The following TRPC3 variants were observed in gnomAD, a reference collection of about 807,000 sequenced individuals.
The protein encoded by TRPC3 is short transient receptor potential channel 3.
A neutral mutation model predicts 90.9 loss-of-function variants in TRPC3; 54 were observed. The ratio of observed to expected loss-of-function variants is 0.59; its 90% CI spans 0.48 to 0.75. The LOEUF is 0.75. Ranked by LOEUF, TRPC3 falls within the 30% of genes least tolerant of loss-of-function variation. The pLI, the probability that TRPC3 is intolerant of heterozygous loss-of-function variation, is 0.00. For synonymous variants in TRPC3, 424 were observed against 450.9 expected (o/e 0.94, Z 0.75); for missense variants, 918 against 1,194.5 (o/e 0.77, Z 3.41).
intron 10 of TRPC3, 33 bp downstream of exon 10, chr4:121,899,579 A>C (rs1728633931): frequency 2.1e-5 from 33 of 1,559,950 alleles, no homozygotes; most frequent in African/African-American, 2.7e-5. Context: ...GGAATCACAT[A>C]GAGATCAAGA....
intron 2 of TRPC3, among the ~76,000 whole-genome samples, chr4:121,925,910 C>A (rs1489535427): frequency 6.6e-6 from 1 of 152,086 alleles, no homozygotes; most frequent in Non-Finnish European, 1.5e-5. Flanking sequence ...CTCTTTTGTA[C>A]AAACAATAGT....
Position 121,879,810 on chromosome 4 carries a change from C to G in TRPC3, c.2692G>C (p.Ala898Pro). 1.2e-6 allele frequency: 2 copies of G among 1,607,892 alleles called. No individual in the cohort carries two copies. Among genetic ancestry groups the G allele is most frequent in the South Asian group, 1.1e-5 (1 of 89,276 alleles). ...RYELLEDKSQ[A>P]TEELAILIHK... ...ATTAGAATGGCTAATTCCTCAGTTG[C>G]TTGGCTCTTGTCTTCCAAAAGTTCA... Residue 898 changes from alanine (A) to proline (P), a missense_variant, in exon 12 of 12, where the codon GCA (alanine) becomes CCA (proline). Physicochemically the swap from Ala to Pro is conservative, Grantham distance 27 (BLOSUM62 -1). This residue lies in a region of TRPC3 where 41 missense variants were observed against 69.4 expected (regional missense o/e 0.59). Transcript: ENST00000379645.
intron 6 of TRPC3, among the ~76,000 whole-genome samples, chr4:121,909,689 T>A (rs1361129757): frequency 6.6e-6 from 1 of 152,130 alleles, no homozygotes; most frequent in Non-Finnish European, 1.5e-5. Context: ...TCACGGTCAC[T>A]TTAGAACCTA....
chr4:121,932,970 C>G lies in TRPC3; in HGVS notation c.288G>C (p.Arg96Ser). The change falls in exon 2 of 12, where the codon AGG (arginine) becomes AGC (serine). Residue 96 changes from arginine to serine, a missense_variant. Around this residue, in one of 4 missense-constraint regions of TRPC3, gnomAD observed 609 missense variants for 725.9 expected, o/e 0.84. Coordinates refer to ENST00000379645, the MANE Select transcript of TRPC3 (RefSeq NM_001130698.2). This position sits in a 1 kb window ranked among gnomAD's most constrained non-coding sequence, Gnocchi z 7.7. ...MREKGRRQAVRGPAFMFNDRG... is the reference protein window; with the variant it reads ...MREKGRRQAVSGPAFMFNDRG... ...GGTCATTGAACATGAAGGCCGGGCC[C>G]CTGACAGCCTGGCGCCGGCCCTTCT... 6.2e-7 allele frequency: 1 copy of G among 1,612,166 alleles called. No homozygotes were observed.
At position 121,951,253 on chromosome 4, in the gene TRPC3, C is replaced by T. The variant is rs1730729651; in HGVS notation, c.215+213G>A. On this transcript the variant is annotated intron_variant, in intron 1 of 11. Transcript: ENST00000379645. The surrounding 1 kb of genome is among the most constrained non-coding windows in gnomAD (Gnocchi z 4.4). ...GACAGAGCCCCTGCCACGCACTCGG[C>T]AGCCCCTGTGTCCCTCCACCGCGCG... Among the ~76,000 whole-genome samples, 3 of 152,160 alleles carry T rather than the reference C, an allele frequency of 2.0e-5. No homozygotes were observed. The highest frequency in any genetic ancestry group is 6.5e-5 in the Admixed American group (1 of 15,288).
intron 6 of TRPC3, 115 bp from the exon 7 acceptor site, chr4:121,907,682 G>T: frequency 8.9e-7 from 1 of 1,122,352 alleles, no homozygotes; most frequent in Non-Finnish European, 1.3e-6. Context: ...CATCTCAGTT[G>T]AAACTAATCT....
At position 121,911,190 on chromosome 4, in the gene TRPC3, G is replaced by A. The variant is rs560320790; in HGVS notation, c.1558+687C>T. Among the ~76,000 whole-genome samples the A allele has an allele frequency of 2.4e-4, 37 of 152,258 alleles. No individual in the cohort carries two copies. The South Asian group carries it at 6.2e-3, about 26-fold the overall frequency. On this transcript the variant is annotated intron_variant, in intron 5 of 11. Coordinates refer to ENST00000379645, the MANE Select transcript of TRPC3 (RefSeq NM_001130698.2). ...GAGGAAGAACTAACCTACTAACTCC[G>A]AAAATGAGAAGACACCAAGACTCAC...
chr4:121,911,804 TCAATAGAAA>T, intron 5 of TRPC3, 64 bp downstream of exon 5: 1 of 1,408,600 alleles, frequency 7.1e-7, no homozygotes, highest in Admixed American at 2.1e-5. Context: ...ACATTTTTTT[TCAATAGAAA>T]ATGACAATTA....
chr4:121,933,364 T>C, intron 1 of TRPC3: 1 of 223,888 alleles, frequency 4.5e-6, no homozygotes, highest in Non-Finnish European at 8.4e-6. Context: ...AAGATGGAAC[T>C]CATCGTACCT....
intron 3 of TRPC3, among the ~76,000 whole-genome samples, chr4:121,923,767 T>A (rs1396708002): frequency 1.3e-5 from 2 of 152,188 alleles, no homozygotes; most frequent in Admixed American, 1.3e-4. Context: ...ACAGGTTGGC[T>A]CTAGTGCCTG....
In TRPC3 at chr4:121,935,202, T is replaced by C. The variant is rs189870142; in HGVS notation, c.216-2160A>G. Among the ~76,000 whole-genome samples, 22 of 152,310 alleles carry C rather than the reference T, an allele frequency of 1.4e-4. No individual in the cohort carries two copies. The East Asian group carries it at 4.0e-3, about 28-fold the overall frequency. ...ATTAATGTTTTAAATTTTTATTTATTAAAAATTTTATTTTTAATTCCTTGG... is the reference window on the plus strand; with the variant it reads ...ATTAATGTTTTAAATTTTTATTTATCAAAAATTTTATTTTTAATTCCTTGG... On this transcript the variant is annotated intron_variant, in intron 1 of 11. Transcript: ENST00000379645.
chr4:121,911,573 T>C (rs1005589071), intron 5 of TRPC3, among the ~76,000 whole-genome samples: 8 of 152,214 alleles, frequency 5.3e-5, no homozygotes, highest in Admixed American at 4.6e-4. Flanking sequence ...TTCAATTAAA[T>C]AATCACAGTG....
At chr4:121,893,658 TA>T (rs1445276743) in intron 10 of TRPC3, among the ~76,000 whole-genome samples, 6 of 151,880 alleles carry the variant, frequency 4.0e-5, no homozygotes, top group Non-Finnish European at 8.8e-5. Context: ...TATACAAAAA[TA>T]AAAAAAGTTG....
rs1275719265 is a variant in TRPC3, at chr4:121,877,216, C to G, written c.*2520G>C. On this transcript the variant is annotated 3_prime_UTR_variant, in exon 12 of 12. Transcript: ENST00000379645. ...AATACCTTATGGCTTAGTGTGAGTT[C>G]CCTAAAAGCAAAACCTAATAAGATT... 6.6e-6 allele frequency among the ~76,000 whole-genome samples: 1 copy of G among 152,100 alleles called. No individual in the cohort carries two copies.
intron 10 of TRPC3, among the ~76,000 whole-genome samples, chr4:121,896,131 T>TA (rs1276451041): frequency 6.6e-6 from 1 of 152,090 alleles, no homozygotes; most frequent in Non-Finnish European, 1.5e-5. Flanking sequence ...TCCTTTATGA[T>TA]AAAAAATCTT....
intron 10 of TRPC3, among the ~76,000 whole-genome samples, chr4:121,886,012 C>A (rs1319635720): frequency 6.6e-6 from 1 of 152,090 alleles, no homozygotes; most frequent in Non-Finnish European, 1.5e-5. Context: ...GAGTGGTAAC[C>A]AGGTAAAGAT....
In TRPC3 at chr4:121,902,893, G is replaced by C; in HGVS notation, c.2422C>G (p.Gln808Glu). 1 of 1,613,108 alleles carries C rather than the reference G, an allele frequency of 6.2e-7. No homozygotes were observed. Among genetic ancestry groups the C allele is most frequent in the South Asian group, 1.1e-5 (1 of 90,956 alleles). ...CCCATTCCCATTTCTATATCCTTCTGAAGCCTTCTCCTTCTGCATTTGGGA... is the reference window on the plus strand; with the variant it reads ...CCCATTCCCATTTCTATATCCTTCTCAAGCCTTCTCCTTCTGCATTTGGGA... ...NFPKCRRRRL[Q>E]KDIEMGMGNS... is the part of the protein sequence containing the mutation. Residue 808 changes from glutamine (Q) to glutamate (E), a missense_variant, in exon 9 of 12, where the codon CAG (glutamine) becomes GAG (glutamate). By Grantham distance (29) the Gln-to-Glu change is conservative (BLOSUM62 2). Transcript: ENST00000379645.
intron 10 of TRPC3, 82 bp from the exon 11 acceptor site, chr4:121,882,511 C>A (rs929671849): frequency 1.7e-5 from 23 of 1,327,860 alleles, no homozygotes; most frequent in Non-Finnish European, 2.4e-5. Flanking sequence ...GCTTACATAC[C>A]TGTAAAGCAA....
intron 4 of TRPC3, 86 bp downstream of exon 4, chr4:121,914,694 A>G: frequency 7.4e-7 from 1 of 1,346,828 alleles, no homozygotes. Flanking sequence ...AACTGATAAG[A>G]TTCTTAAGCA....
Sources: gnomAD v4.1 joint callset for allele counts (sites outside exome capture counted in the v4.1 genomes callset) on GRCh38, gnomAD v4.1.1 for gene constraint, gnomAD v4.1.1 regional missense constraint, Gnocchi (gnomAD v3.1) non-coding constraint, MANE v1.5 for transcripts, NCBI Gene and HGNC (gene_info 2026-07-23, HGNC 2026-07-21) for gene names.